Variants in KCNS3 observed in about 807,000 individuals in gnomAD.
KCNS3 encodes delayed-rectifier potassium channel regulatory subunit KCNS3.
Under a neutral mutation model 31.0 loss-of-function variants are expected in KCNS3, and 13 were observed. The observed-to-expected ratio is 0.42, with a 90% confidence interval of 0.27 to 0.67. The LOEUF (loss-of-function observed/expected upper bound fraction) is 0.67, where lower values mean the gene tolerates loss of function less well. Ranked by LOEUF, KCNS3 falls within the 30% of genes least tolerant of loss-of-function variation. The pLI, the probability that KCNS3 is intolerant of heterozygous loss-of-function variation, is 0.25. For missense variants in KCNS3, 545 were observed against 622.4 expected, an observed-to-expected ratio of 0.88 and a Z score of 1.32; for synonymous variants, 238 against 241.5, an observed-to-expected ratio of 0.99 and a Z score of 0.13.
In KCNS3 at chr2:17,932,703, G is replaced by C. The variant is rs1191661252; in HGVS notation, c.*219G>C. The stretch of plus-strand genomic sequence containing the variant: ...GTTCTGAAATTTATTTTTTACAAGA[G>C]AGAGTTGTGATATAGTTTGGAATAT... On this transcript the variant is annotated 3_prime_UTR_variant, in exon 3 of 3. Coordinates refer to ENST00000304101, the MANE Select transcript of KCNS3 (RefSeq NM_002252.5). The C allele has an allele frequency of 3.9e-6, 2 of 516,624 alleles. No homozygotes were observed. Among genetic ancestry groups the C allele is most frequent in the African/African-American group, 3.9e-5 (2 of 51,808 alleles). 32.0% of individuals were successfully genotyped at this position (516,624 alleles called of 1,614,324 possible).
At chr2:17,879,939 C>A (rs35349881) in intron 1 of KCNS3, among the ~76,000 whole-genome samples, 57,893 of 152,000 alleles carry the variant, frequency 0.38, 12,887 homozygotes, top group Non-Finnish European at 0.52. Context: ...GTGGTTGGCC[C>A]GGAGCCTTCG....
intron 1 of KCNS3, among the ~76,000 whole-genome samples, chr2:17,893,940 GTTTTT>G (rs5829612): frequency 0.23 from 22,281 of 98,632 alleles, 2,770 homozygotes; most frequent in Non-Finnish European, 0.29. Context: ...CCAGGAGCCA[GTTTTT>G]TTTTTTTTTT....
chr2:17,878,715 G>C lies in KCNS3; in HGVS notation c.-343G>C, dbSNP rs1471929714. 1 of 150,626 alleles carries C rather than the reference G, an allele frequency of 6.6e-6. No homozygotes were observed. The highest frequency in any genetic ancestry group is 2.0e-4 in the East Asian group (1 of 5,098). 9.3% of individuals were successfully genotyped at this position (150,626 alleles called of 1,614,324 possible). A position where few individuals can be genotyped will look rare whatever the true frequency, so the allele number is the denominator to read the frequency against. On this transcript the variant is annotated 5_prime_UTR_variant, in exon 1 of 3. Transcript: ENST00000304101. The stretch of plus-strand genomic sequence containing the variant: ...CGCTCTCCTCGCCGCCGCGGCGGCA[G>C]GCGCGGGGCCGCGCCGCGAGGCCTG...
chr2:17,904,373 G>A (rs924429769), intron 1 of KCNS3, among the ~76,000 whole-genome samples: 8 of 152,186 alleles, frequency 5.3e-5, no homozygotes, highest in African/African-American at 1.7e-4. Flanking sequence ...TTTGTCAGAT[G>A]AGTAGATTGC....
chr2:17,925,562 G>A (rs1254656140), intron 2 of KCNS3, among the ~76,000 whole-genome samples: 1 of 152,212 alleles, frequency 6.6e-6, no homozygotes, highest in African/African-American at 2.4e-5. Flanking sequence ...TACAATCATG[G>A]TGGAAGGGGA....
chr2:17,921,954 T>TATATATATATATATATATATAA (rs1434381418), intron 2 of KCNS3, among the ~76,000 whole-genome samples: 1 of 135,820 alleles, frequency 7.4e-6, no homozygotes, highest in Non-Finnish European at 1.6e-5. Flanking sequence ...TATATATATA[T>TATATATATATATATATATATAA]ATATAAATAC....
chr2:17,882,525 G>A (rs1480915816), intron 1 of KCNS3, among the ~76,000 whole-genome samples: 1 of 152,138 alleles, frequency 6.6e-6, no homozygotes, highest in Admixed American at 6.5e-5. Flanking sequence ...GTGAGCTATC[G>A]AGAGTCCTTG....
chr2:17,879,630 G>A (rs941780772), intron 1 of KCNS3, among the ~76,000 whole-genome samples: 2 of 152,210 alleles, frequency 1.3e-5, no homozygotes, highest in African/African-American at 2.4e-5. Flanking sequence ...AGGGGCCGCG[G>A]CGAGCCTGGC....
intron 1 of KCNS3, among the ~76,000 whole-genome samples, chr2:17,893,201 AAAGCTGGCAGTC>A (rs1215788707): frequency 6.6e-6 from 1 of 151,974 alleles, no homozygotes; most frequent in Non-Finnish European, 1.5e-5. Context: ...TAAGTGGGGG[AAAGCTGGCAGTC>A]ACTGGCCTCA....
At chr2:17,930,013 G>A (rs1662920513) in intron 2 of KCNS3, among the ~76,000 whole-genome samples, 1 of 152,168 alleles carries the variant, frequency 6.6e-6, no homozygotes, top group Non-Finnish European at 1.5e-5. Context: ...AAACGTCATT[G>A]CATTGGGTGA....
chr2:17,910,635 T>C (rs11894724), intron 1 of KCNS3, among the ~76,000 whole-genome samples: 4,084 of 152,010 alleles, frequency 0.027, 167 homozygotes, highest in African/African-American at 0.09. Context: ...GTGTCTACTT[T>C]TTTTTTTTTT....
chr2:17,887,171 G>A (rs1054033794), intron 1 of KCNS3, among the ~76,000 whole-genome samples: 3 of 150,418 alleles, frequency 2.0e-5, no homozygotes, highest in Non-Finnish European at 3.0e-5. Context: ...GGTTACATGA[G>A]TAAGTTCTTT....
At chr2:17,925,450 T>C (rs1444771700) in intron 2 of KCNS3, among the ~76,000 whole-genome samples, 3 of 152,198 alleles carry the variant, frequency 2.0e-5, no homozygotes, top group Non-Finnish European at 4.4e-5. Context: ...TGTATTAATC[T>C]GTTTTCACGC....
intron 2 of KCNS3, among the ~76,000 whole-genome samples, chr2:17,918,775 A>G (rs185914332): frequency 1.3e-5 from 2 of 152,374 alleles, no homozygotes; most frequent in Admixed American, 1.3e-4. Context: ...AGAATTGTAG[A>G]TAACATCATA....
chr2:17,910,248 G>A (rs1018674234), intron 1 of KCNS3, among the ~76,000 whole-genome samples: 1 of 152,172 alleles, frequency 6.6e-6, no homozygotes, highest in Admixed American at 6.5e-5. Flanking sequence ...GATATTTTGA[G>A]ATCTCTTCAA....
intron 1 of KCNS3, among the ~76,000 whole-genome samples, chr2:17,893,358 A>G (rs747345917): frequency 1.3e-5 from 2 of 151,922 alleles, no homozygotes; most frequent in Non-Finnish European, 2.9e-5. Context: ...CAGCTGAGAA[A>G]GAAAGGGCTT....
chr2:17,915,712 G>A (rs960808826), intron 1 of KCNS3, among the ~76,000 whole-genome samples: 1 of 152,210 alleles, frequency 6.6e-6, no homozygotes, highest in African/African-American at 2.4e-5. Flanking sequence ...GGTCTCAGAA[G>A]ATGCTAGTTA....
chr2:17,913,176 A>G (rs1330210718), intron 1 of KCNS3, among the ~76,000 whole-genome samples: 1 of 152,216 alleles, frequency 6.6e-6, no homozygotes, highest in Non-Finnish European at 1.5e-5. Context: ...GTTAAGCCAG[A>G]TAGAGGTAGG....
At chr2:17,916,679 C>T (rs867269762) in intron 1 of KCNS3, among the ~76,000 whole-genome samples, 5 of 152,146 alleles carry the variant, frequency 3.3e-5, no homozygotes, top group African/African-American at 1.2e-4. Flanking sequence ...GGATGCTATT[C>T]ACTTGTTTAT....
Sources: allele counts gnomAD v4.1 joint callset (sites outside exome capture counted in the v4.1 genomes callset), GRCh38; gene constraint gnomAD v4.1.1; transcripts MANE v1.5; gene names NCBI Gene and HGNC (gene_info 2026-07-23, HGNC 2026-07-21).